Variants in PRUNE2 observed in about 807,000 individuals in gnomAD.
PRUNE2 encodes prune homolog 2 with BCH domain, also known as protein prune homolog 2.
PRUNE2 carries 164 observed loss-of-function variants against 252.0 expected under a neutral mutation model. That is an observed-to-expected ratio of 0.65 (90% confidence interval 0.57 to 0.74). The LOEUF (loss-of-function observed/expected upper bound fraction) is 0.74. Ranked by LOEUF, PRUNE2 falls within the 30% of genes least tolerant of loss-of-function variation. PRUNE2 has a pLI of 0.00. For synonymous variants in PRUNE2, 1,292 were observed against 1,350.2 expected (o/e 0.96, Z 0.94); for missense variants, 3,495 against 3,711.0 (o/e 0.94, Z 1.51).
chr9:76,725,688 C>T (rs1001133760), intron 6 of PRUNE2, among the ~76,000 whole-genome samples: 1 of 152,122 alleles, frequency 6.6e-6, no homozygotes. Flanking sequence ...GGGTAAACAC[C>T]AATCTTGGAG....
At chr9:76,898,219 T>G (rs7025368) in intron 1 of PRUNE2, among the ~76,000 whole-genome samples, 27,353 of 152,174 alleles carry the variant, frequency 0.18, 2,911 homozygotes, top group African/African-American at 0.29. Flanking sequence ...TCTAAGGGTC[T>G]CCTAAATCCA....
At chr9:76,623,235 T>C (rs996317192) in intron 17 of PRUNE2, among the ~76,000 whole-genome samples, 3 of 152,102 alleles carry the variant, frequency 2.0e-5, no homozygotes, top group Non-Finnish European at 4.4e-5. Flanking sequence ...TACTTGGTTA[T>C]ATCTAACATG....
chr9:76,891,827 G>T (rs565641278), intron 1 of PRUNE2, among the ~76,000 whole-genome samples: 12 of 152,178 alleles, frequency 7.9e-5, no homozygotes, highest in African/African-American at 2.6e-4. Flanking sequence ...TGTGTCTCTG[G>T]GCAAGGCTGG....
At chr9:76,755,266 T>A (rs1318333533) in intron 6 of PRUNE2, among the ~76,000 whole-genome samples, 2 of 152,140 alleles carry the variant, frequency 1.3e-5, no homozygotes, top group Non-Finnish European at 2.9e-5. Context: ...ATATCTTTGA[T>A]ACCTAAAGCA....
intron 6 of PRUNE2, among the ~76,000 whole-genome samples, chr9:76,794,183 C>G (rs1334715813): frequency 6.6e-6 from 1 of 152,114 alleles, no homozygotes; most frequent in Non-Finnish European, 1.5e-5. Context: ...TTTTAAGTAT[C>G]TTTTTCACCA....
Position 76,705,457 on chromosome 9 carries a change from A to C in PRUNE2, c.6817T>G (p.Leu2273Val). 1 of 1,613,960 alleles carries C rather than the reference A, an allele frequency of 6.2e-7. No homozygotes were observed. Among genetic ancestry groups the C allele is most frequent in the Non-Finnish European group, 8.5e-7 (1 of 1,179,850 alleles). ...ARALFDGDPH[L>V]STENPALVPD... ...ACCAAGGCAGGATTCTCTGTGGATA[A>C]ATGTGGATCACCATCAAACAAAGCT... The change falls in exon 8 of 19, where the codon TTA becomes GTA. Residue 2273 changes from leucine (L) to valine (V), a missense_variant. By Grantham distance (32) the Leu-to-Val change is conservative. Coordinates refer to ENST00000376718, the MANE Select transcript of PRUNE2 (RefSeq NM_015225.3).
chr9:76,823,703 A>G lies in PRUNE2; in HGVS notation c.685T>C (p.Leu229=), dbSNP rs2058171603. The change falls in exon 6 of 19, where the codon TTG becomes CTG. Residue 229 remains leucine, a synonymous_variant. Coordinates refer to ENST00000376718, the MANE Select transcript of PRUNE2 (RefSeq NM_015225.3). The stretch of plus-strand genomic sequence containing the variant: ...TCTGACAGCTCCTTTAGATCTTTCA[A>G]CATTGTCTGTTCAATACTTAAACCT... ...AQGLSIEQTM[L]KDLKELSDGE... is the part of the protein sequence containing the mutation. 6.2e-7 allele frequency: 1 copy of G among 1,609,922 alleles called. No homozygotes were observed. Among genetic ancestry groups the G allele is most frequent in the African/African-American group, 1.3e-5 (1 of 74,950 alleles).
intron 4 of PRUNE2, among the ~76,000 whole-genome samples, chr9:76,832,890 TAAC>T (rs1475525140): frequency 5.9e-5 from 9 of 152,192 alleles, no homozygotes; most frequent in Middle Eastern, 3.4e-3. Flanking sequence ...TAAAAGATAC[TAAC>T]AACTTGGTTT....
chr9:76,713,695 G>A lies in PRUNE2; in HGVS notation c.783C>T (p.Thr261=). Residue 261 remains threonine (T), a synonymous_variant, in exon 7 of 19, where the codon ACC becomes ACT. Transcript: ENST00000376718. ...LENCLFHSNI[T]SDLKAFTDKF... is the part of the protein sequence containing the mutation. The stretch of plus-strand genomic sequence containing the variant: ...TGTCTGTAAATGCTTTCAAGTCACT[G>A]GTAATATTGCTGTGAAATAGACAAT... The A allele has an allele frequency of 6.3e-7, 1 of 1,598,352 alleles. No homozygotes were observed. Among genetic ancestry groups the A allele is most frequent in the South Asian group, 1.1e-5 (1 of 87,936 alleles).
intron 6 of PRUNE2, among the ~76,000 whole-genome samples, chr9:76,794,451 C>T (rs1425476043): frequency 6.6e-6 from 1 of 151,862 alleles, no homozygotes; most frequent in Non-Finnish European, 1.5e-5. Context: ...CCTGTCTCTA[C>T]TAAAAATACA....
intron 6 of PRUNE2, among the ~76,000 whole-genome samples, chr9:76,808,169 G>C (rs1426417700): frequency 1.3e-5 from 1 of 79,140 alleles, no homozygotes; most frequent in Non-Finnish European, 2.7e-5. Context: ...CAGAGTAAGC[G>C]AAACTCTGTG....
intron 6 of PRUNE2, among the ~76,000 whole-genome samples, chr9:76,726,585 G>T (rs1334562250): frequency 1.3e-5 from 2 of 152,186 alleles, no homozygotes; most frequent in African/African-American, 4.8e-5. Context: ...ATTAAGGAGG[G>T]TATTAAAAAG....
intron 6 of PRUNE2, among the ~76,000 whole-genome samples, chr9:76,791,541 T>G (rs1202438258): frequency 3.3e-4 from 28 of 84,964 alleles, no homozygotes; most frequent in African/African-American, 1.3e-3. Context: ...CTGCACCAAT[T>G]ATCATTGGTA....
At chr9:76,879,919 T>A (rs1378380875) in intron 1 of PRUNE2, among the ~76,000 whole-genome samples, 1 of 114,974 alleles carries the variant, frequency 8.7e-6, no homozygotes, top group Non-Finnish European at 1.8e-5. Flanking sequence ...TTTTTTTTTT[T>A]TTTTTTTTTT....
rs1844025308 is a variant in PRUNE2 at position 76,644,634 on chromosome 9, G to C, written c.8728+105C>G. The stretch of plus-strand genomic sequence containing the variant: ...TCCCTGAATATTGGCTCTAGAATAG[G>C]GTCTTTGAGATGTCATGTTCCGGAG... On this transcript the variant is annotated intron_variant, in intron 12 of 18. Coordinates refer to ENST00000376718, the MANE Select transcript of PRUNE2 (RefSeq NM_015225.3). 6 of 1,010,454 alleles carry C rather than the reference G, an allele frequency of 5.9e-6. No homozygotes were observed. In the East Asian group the frequency reaches 1.5e-4, roughly 25 times the overall value. 62.6% of individuals were successfully genotyped at this position (1,010,454 alleles called of 1,614,324 possible). A position where few individuals can be genotyped will look rare whatever the true frequency, so the allele number is the denominator to read the frequency against.
At chr9:76,745,245 C>T (rs1437749278) in intron 6 of PRUNE2, among the ~76,000 whole-genome samples, 1 of 152,154 alleles carries the variant, frequency 6.6e-6, no homozygotes, top group Non-Finnish European at 1.5e-5. Flanking sequence ...TAAATAATAA[C>T]AGCCCTTCCC....
chr9:76,791,702 G>T (rs1252225515), intron 6 of PRUNE2, among the ~76,000 whole-genome samples: 1 of 152,198 alleles, frequency 6.6e-6, no homozygotes, highest in Middle Eastern at 3.2e-3. Flanking sequence ...AGACCACGGG[G>T]CATCCACTGA....
chr9:76,624,560 T>A, intron 16 of PRUNE2, 70 bp from the exon 17 acceptor site: 1 of 1,158,668 alleles, frequency 8.6e-7, no homozygotes, highest in Non-Finnish European at 1.1e-6. Context: ...AGACAGTCAC[T>A]CAGCAAAGCA....
intron 6 of PRUNE2, among the ~76,000 whole-genome samples, chr9:76,749,190 T>C (rs781063677): frequency 4.2e-4 from 64 of 152,220 alleles, no homozygotes; most frequent in Non-Finnish European, 6.9e-4. Context: ...TTCAGAAATC[T>C]GGCCTCCCAC....
Sources: gnomAD v4.1 joint callset for allele counts (sites outside exome capture counted in the v4.1 genomes callset) on GRCh38, gnomAD v4.1.1 for gene constraint, MANE v1.5 for transcripts, NCBI Gene and HGNC (gene_info 2026-07-23, HGNC 2026-07-21) for gene names.